Variants in HERC1 observed in about 807,000 individuals in gnomAD.
The protein encoded by HERC1 is probable E3 ubiquitin-protein ligase HERC1.
Under a neutral mutation model 554.3 loss-of-function variants are expected in HERC1, and 160 were observed. The ratio of observed to expected loss-of-function variants is 0.29; its 90% CI spans 0.25 to 0.33. HERC1 has a LOEUF of 0.33. Among genes scored for constraint, HERC1 ranks in the 10% least tolerant of loss-of-function variants. HERC1 has a pLI of 1.00. For missense variants in HERC1, 4,919 were observed against 5,918.5 expected (o/e 0.83, Z 5.54); for synonymous variants, 2,175 against 2,131.7 (o/e 1.02, Z -0.56).
intron 22 of HERC1, among the ~76,000 whole-genome samples, chr15:63,714,983 AT>A (rs2140282312): frequency 6.6e-6 from 1 of 152,326 alleles, no homozygotes; most frequent in African/African-American, 2.4e-5. Context: ...TTGTTATGCT[AT>A]TAAAAGTCCC....
Position 63,734,858 on chromosome 15 carries a change from A to G in HERC1, c.2521-9T>C. ...AAAGTTTCAATTACCACCTAATATC[A>G]AAAGAGAAAAGTATACTGATTGGCC... On this transcript the variant is annotated splice_polypyrimidine_tract_variant and intron_variant, in intron 12 of 77. Transcript: ENST00000443617. This position sits in a 1 kb window ranked among gnomAD's most constrained non-coding sequence, Gnocchi z 4.6. 6.2e-7 allele frequency: 1 copy of G among 1,606,800 alleles called. No individual in the cohort carries two copies. Among genetic ancestry groups the G allele is most frequent in the Non-Finnish European group, 8.5e-7 (1 of 1,176,282 alleles).
At chr15:63,675,709 T>C (rs2071164072) in intron 37 of HERC1, among the ~76,000 whole-genome samples, 1 of 152,172 alleles carries the variant, frequency 6.6e-6, no homozygotes, top group Non-Finnish European at 1.5e-5. Context: ...ATTATATATT[T>C]CCTGATATTG....
chr15:63,690,453 T>C, intron 32 of HERC1, 88 bp downstream of exon 32: 2 of 787,090 alleles, frequency 2.5e-6, no homozygotes, highest in Non-Finnish European at 2.1e-6. Context: ...AAGACACATT[T>C]ACAACTGAAG....
At position 63,666,000 on chromosome 15, in the gene HERC1, G is replaced by A; in HGVS notation, c.8474C>T (p.Ser2825Leu). 6.2e-7 allele frequency: 1 copy of A among 1,614,002 alleles called. No individual in the cohort carries two copies. The highest frequency in any genetic ancestry group is 8.5e-7 in the Non-Finnish European group (1 of 1,179,888). Residue 2825 changes from serine (S) to leucine (L), a missense_variant, in exon 42 of 78, where the codon TCA becomes TTA. By Grantham distance (145) the Ser-to-Leu change is moderately radical (BLOSUM62 -2). Coordinates refer to ENST00000443617, the MANE Select transcript of HERC1 (RefSeq NM_003922.4). ...TGACTGCAAATAACAGGGATCATTT[G>A]ACTTCCCGCCACTGCCTAGAACGGC... ...GAAVLGSGGK[S>L]NDPCYLQSPG...
Position 63,624,302 on chromosome 15 carries a change from C to T in HERC1, c.13301G>A (p.Gly4434Glu). ...TTGTCCCTGTACAATGCCCCAAGTT[C>T]CAGCATTATAATGGGATGTGCTGTT... ...NQNSTSHYNA[G>E]TWGIVQGQLR... Residue 4434 changes from glycine to glutamate, a missense_variant, in exon 72 of 78, where the codon GGA becomes GAA. Gly to Glu is a moderately conservative substitution (Grantham distance 98). Around this residue, in one of 11 missense-constraint regions of HERC1, gnomAD observed 410 missense variants for 467.0 expected, o/e 0.88. Coordinates refer to ENST00000443617, the MANE Select transcript of HERC1 (RefSeq NM_003922.4). The T allele has an allele frequency of 6.2e-7, 1 of 1,611,256 alleles. No homozygotes were observed. Among genetic ancestry groups the T allele is most frequent in the Non-Finnish European group, 8.5e-7 (1 of 1,178,056 alleles).
chr15:63,710,167 G>A (rs2073222301), intron 24 of HERC1, among the ~76,000 whole-genome samples: 1 of 152,200 alleles, frequency 6.6e-6, no homozygotes, highest in Admixed American at 6.5e-5. Context: ...TCCTAGATTT[G>A]ATCAGTCTGT....
intron 22 of HERC1, 124 bp downstream of exon 22, chr15:63,716,178 C>G: frequency 4.9e-6 from 4 of 810,714 alleles, no homozygotes; most frequent in Non-Finnish European, 7.9e-6. Flanking sequence ...ATTGAGATCA[C>G]CAGCAGAATA....
chr15:63,723,889 T>G (rs1353073542), intron 18 of HERC1, among the ~76,000 whole-genome samples: 6 of 152,342 alleles, frequency 3.9e-5, no homozygotes, highest in South Asian at 4.1e-4. Context: ...AACTTTTCAG[T>G]GTGACATTTG....
chr15:63,637,434 C>T, intron 64 of HERC1, 71 bp downstream of exon 64: 3 of 1,329,616 alleles, frequency 2.3e-6, no homozygotes, highest in South Asian at 1.3e-5. Context: ...TTGAGAAGGG[C>T]AAAGGTTTGT....
intron 44 of HERC1, 85 bp from the exon 45 acceptor site, chr15:63,662,106 CTTT>C: frequency 7.7e-7 from 1 of 1,295,248 alleles, no homozygotes; most frequent in Non-Finnish European, 1.1e-6. Context: ...TATTAAATTA[CTTT>C]ATTACATATG....
intron 51 of HERC1, among the ~76,000 whole-genome samples, chr15:63,653,900 C>A (rs905894025): frequency 1.3e-5 from 2 of 152,136 alleles, no homozygotes; most frequent in Non-Finnish European, 2.9e-5. Context: ...ATCCCCCATC[C>A]AATTCTCCAA....
In HERC1 at chr15:63,747,810, A is replaced by G. The variant is rs1567082951; in HGVS notation, c.2268T>C (p.Ser756=). 1.3e-6 allele frequency: 2 copies of G among 1,485,790 alleles called. No homozygotes were observed. Among genetic ancestry groups the G allele is most frequent in the Non-Finnish European group, 9.0e-7 (1 of 1,113,742 alleles). 92.0% of individuals were successfully genotyped at this position (1,485,790 alleles called of 1,614,324 possible). A position where few individuals can be genotyped will look rare whatever the true frequency, so the allele number is the denominator to read the frequency against. The stretch of plus-strand genomic sequence containing the variant: ...GAAAAGAACGCAGGTGTGAGAAGGT[A>G]CTCTCTTCAAGATCTACACAATAAG... ...HRPYCVDLEE[S]TFSHLRSFLE... is the part of the protein sequence containing the mutation. The change falls in exon 11 of 78, where the codon AGT becomes AGC. Residue 756 remains serine (S), a synonymous_variant. Transcript: ENST00000443617.
chr15:63,757,130 G>GA (rs111531959), intron 4 of HERC1, among the ~76,000 whole-genome samples: 10 of 143,284 alleles, frequency 7.0e-5, no homozygotes, highest in South Asian at 2.2e-4. Flanking sequence ...AAACCTATTT[G>GA]AAAAAAAAAT....
In HERC1 at chr15:63,652,531, CAT is replaced by C. The variant is rs1410950767; in HGVS notation, c.10299_10300del (p.Val3435LeufsTer3). The C allele has an allele frequency of 6.3e-7, 1 of 1,591,328 alleles. No homozygotes were observed. Among genetic ancestry groups the C allele is most frequent in the Non-Finnish European group, 8.6e-7 (1 of 1,167,134 alleles). ...AAGACCTTTTTTATTACACCAAACA[CAT>C]GTCATTACCTAGAAAAGTTGAAACA... On this transcript the variant is annotated frameshift_variant, in exon 52 of 78. Coordinates refer to ENST00000443617, the MANE Select transcript of HERC1 (RefSeq NM_003922.4). LOFTEE classifies it high-confidence loss of function.
At chr15:63,809,662 G>A (rs2077240470) in intron 1 of HERC1, among the ~76,000 whole-genome samples, 1 of 151,984 alleles carries the variant, frequency 6.6e-6, no homozygotes, top group African/African-American at 2.4e-5. Context: ...GAATTTTAAG[G>A]ACATTTAGAA....
At chr15:63,717,021 A>T (rs2073586033) in intron 21 of HERC1, among the ~76,000 whole-genome samples, 1 of 152,250 alleles carries the variant, frequency 6.6e-6, no homozygotes, top group South Asian at 2.1e-4. Context: ...CCTAGCAGTC[A>T]TCTAGACAAA....
intron 24 of HERC1, among the ~76,000 whole-genome samples, chr15:63,710,067 A>G (rs117044596): frequency 0.032 from 4,868 of 152,320 alleles, 159 homozygotes; most frequent in Non-Finnish European, 0.044. Context: ...TATGGCAAAA[A>G]TGCAGACCAC....
chr15:63,805,947 CAA>C (rs11307698), intron 1 of HERC1, among the ~76,000 whole-genome samples: 60 of 144,022 alleles, frequency 4.2e-4, no homozygotes, highest in East Asian at 2.0e-3. Flanking sequence ...TATCTCAAAA[CAA>C]AAAAAAAAAA....
At position 63,754,611 on chromosome 15, in the gene HERC1, T is replaced by C. The variant is rs771213884; in HGVS notation, c.1668A>G (p.Leu556=). ...CTCCTACATTGCTGATGTCTTTTACTAATGTTGGAATGTTACGACTATTGC... is the reference window on the plus strand; with the variant it reads ...CTCCTACATTGCTGATGTCTTTTACCAATGTTGGAATGTTACGACTATTGC... The part of the protein sequence containing the change: ...GDSNSRNIPT[L]VKDISNVGEV... The change falls in exon 7 of 78, where the codon TTA becomes TTG. Residue 556 remains leucine (L), a synonymous_variant. Transcript: ENST00000443617. The C allele has an allele frequency of 2.5e-6, 4 of 1,613,644 alleles. No individual in the cohort carries two copies. The highest frequency in any genetic ancestry group is 3.3e-5 in the Admixed American group (2 of 60,012).
Sources: gnomAD v4.1 joint callset for allele counts (sites outside exome capture counted in the v4.1 genomes callset) on GRCh38, gnomAD v4.1.1 for gene constraint, gnomAD v4.1.1 regional missense constraint, Gnocchi (gnomAD v3.1) non-coding constraint, MANE v1.5 for transcripts, NCBI Gene and HGNC (gene_info 2026-07-23, HGNC 2026-07-21) for gene names.